Variants in TGFBR3 observed in about 807,000 individuals in gnomAD.
TGFBR3 encodes transforming growth factor beta receptor type 3.
A neutral mutation model predicts 87.9 loss-of-function variants in TGFBR3; 46 were observed. The observed-to-expected ratio is 0.52, with a 90% confidence interval of 0.41 to 0.67. TGFBR3 has a LOEUF of 0.67. TGFBR3 is among the 30% of genes least tolerant of loss of function. TGFBR3 has a pLI of 0.00. For synonymous variants in TGFBR3, 381 were observed against 391.6 expected (o/e 0.97, Z 0.32); for missense variants, 866 against 1,041.9 (o/e 0.83, Z 2.32).
At chr1:91,742,256 A>G (rs1433194870) in intron 4 of TGFBR3, among the ~76,000 whole-genome samples, 1 of 152,174 alleles carries the variant, frequency 6.6e-6, no homozygotes, top group East Asian at 1.9e-4. Flanking sequence ...ATTTATCAGC[A>G]TACCTGCCAC....
At chr1:91,785,703 T>G (rs746177236) in intron 3 of TGFBR3, among the ~76,000 whole-genome samples, 6 of 152,164 alleles carry the variant, frequency 3.9e-5, no homozygotes, top group Non-Finnish European at 7.4e-5. Context: ...TCAAATGTTC[T>G]TTCTTCTGGG....
At chr1:91,815,316 T>TAAAATAAAAG (rs1676180840) in intron 2 of TGFBR3, among the ~76,000 whole-genome samples, 1 of 150,498 alleles carries the variant, frequency 6.6e-6, no homozygotes, top group African/African-American at 2.4e-5. Flanking sequence ...TAAAATAAAA[T>TAAAATAAAAG]AAAATAAAAT....
chr1:91,786,347 G>A (rs907419494), intron 3 of TGFBR3: 1 of 428,040 alleles, frequency 2.3e-6, no homozygotes, highest in Non-Finnish European at 4.7e-6. Flanking sequence ...CCAGTCCCAG[G>A]AGACCAGTTA....
chr1:91,758,908 A>G (rs890275369), intron 3 of TGFBR3, among the ~76,000 whole-genome samples, 158 bp from the exon 4 acceptor site: 2 of 152,242 alleles, frequency 1.3e-5, no homozygotes, highest in African/African-American at 4.8e-5. Context: ...AAGTTGAACC[A>G]GATGATATTG....
At chr1:91,729,033 TACACACACACACACACACAC>T (rs56158224) in intron 6 of TGFBR3, among the ~76,000 whole-genome samples, 10,254 of 89,624 alleles carry the variant, frequency 0.11, 403 homozygotes, top group African/African-American at 0.16. Flanking sequence ...CACTCCAGCA[TACACACACACACACACACAC>T]ACACACACAC....
intron 2 of TGFBR3, among the ~76,000 whole-genome samples, chr1:91,857,396 C>T (rs913336381): frequency 5.9e-5 from 9 of 152,114 alleles, no homozygotes; most frequent in Admixed American, 2.6e-4. Context: ...TGCCACATTC[C>T]GTGCTAGGCC....
At chr1:91,724,429 C>T (rs564096199) in intron 7 of TGFBR3, among the ~76,000 whole-genome samples, 1 of 152,222 alleles carries the variant, frequency 6.6e-6, no homozygotes, top group Non-Finnish European at 1.5e-5. Context: ...CTCATCTGCC[C>T]TAGTCTCTTT....
intron 3 of TGFBR3, among the ~76,000 whole-genome samples, chr1:91,789,391 G>T (rs2100987593): frequency 6.6e-6 from 1 of 152,284 alleles, no homozygotes; most frequent in African/African-American, 2.4e-5. Context: ...AGCCAGCATA[G>T]AACATAAATC....
intron 1 of TGFBR3, among the ~76,000 whole-genome samples, chr1:91,904,424 TC>T (rs1679799800): frequency 6.6e-6 from 1 of 151,648 alleles, no homozygotes. Context: ...TTTTTTTTTT[TC>T]TTGCTCTGTC....
intron 2 of TGFBR3, 70 bp downstream of exon 2, chr1:91,861,401 A>G (rs1678179860): frequency 1.6e-6 from 2 of 1,226,968 alleles, no homozygotes; most frequent in Non-Finnish European, 2.4e-6. Flanking sequence ...CTTCATCTCA[A>G]CTAAAGAGAC....
chr1:91,793,691 A>G (rs1320968634), intron 3 of TGFBR3, among the ~76,000 whole-genome samples: 1 of 151,662 alleles, frequency 6.6e-6, no homozygotes, highest in African/African-American at 2.4e-5. Flanking sequence ...CTGTAATCCC[A>G]GCTACTCAGG....
intron 13 of TGFBR3, among the ~76,000 whole-genome samples, chr1:91,711,128 C>T (rs1671965344): frequency 6.6e-6 from 1 of 152,206 alleles, no homozygotes; most frequent in African/African-American, 2.4e-5. Context: ...TCATGGCTCT[C>T]TACCACTGTC....
intron 2 of TGFBR3, among the ~76,000 whole-genome samples, chr1:91,898,601 T>G (rs905185221): frequency 1.3e-5 from 2 of 152,078 alleles, no homozygotes; most frequent in Non-Finnish European, 2.9e-5. Context: ...CACGCCCAGC[T>G]AATTTTTTTT....
At chr1:91,736,570 A>G (rs779963667) in intron 4 of TGFBR3, among the ~76,000 whole-genome samples, 2 of 152,010 alleles carry the variant, frequency 1.3e-5, no homozygotes, top group Admixed American at 6.6e-5. Context: ...CGTCGCCTGA[A>G]TAAGAAAAAA....
intron 4 of TGFBR3, among the ~76,000 whole-genome samples, chr1:91,747,657 TCAAA>T (rs143776174): frequency 0.049 from 7,501 of 152,066 alleles, 245 homozygotes; most frequent in Middle Eastern, 0.12. Flanking sequence ...AGCTATGCAA[TCAAA>T]CACTCATCTA....
intron 2 of TGFBR3, among the ~76,000 whole-genome samples, chr1:91,854,157 T>G (rs1017207835): frequency 1.3e-5 from 2 of 152,190 alleles, no homozygotes; most frequent in Non-Finnish European, 2.9e-5. Context: ...AGAGATTGAC[T>G]GTACACCATG....
chr1:91,777,741 T>C (rs1005230826), intron 3 of TGFBR3, among the ~76,000 whole-genome samples: 3 of 152,224 alleles, frequency 2.0e-5, no homozygotes, highest in Admixed American at 1.3e-4. Context: ...GAGATGTTTC[T>C]ACGTCTCCGT....
At chr1:91,766,239 G>A (rs1372281377) in intron 3 of TGFBR3, 1 of 114,648 alleles carries the variant, frequency 8.7e-6, no homozygotes, top group East Asian at 2.5e-4. Context: ...GTCTTGCTAT[G>A]TTGTCCAAGC....
chr1:91,804,752 G>A (rs1675768355), intron 2 of TGFBR3, among the ~76,000 whole-genome samples: 1 of 152,210 alleles, frequency 6.6e-6, no homozygotes, highest in African/African-American at 2.4e-5. Flanking sequence ...TGACCTGTGA[G>A]CTCTGGAGCT....
Sources: gnomAD v4.1 joint callset for allele counts (sites outside exome capture counted in the v4.1 genomes callset) on GRCh38, gnomAD v4.1.1 for gene constraint, MANE v1.5 for transcripts, NCBI Gene and HGNC (gene_info 2026-07-23, HGNC 2026-07-21) for gene names.